Variants in GLIS1 observed in about 807,000 individuals in gnomAD.
GLIS1 encodes GLIS family zinc finger 1.
A neutral mutation model predicts 63.8 loss-of-function variants in GLIS1; 24 were observed. That is an observed-to-expected ratio of 0.38 (90% CI 0.27 to 0.53). GLIS1 has a LOEUF of 0.53. Among genes scored for constraint, GLIS1 ranks in the 20% least tolerant of loss-of-function variants. The pLI is 0.85. For missense variants in GLIS1, 1,036 were observed against 1,074.1 expected, an observed-to-expected ratio of 0.96 and a Z score of 0.50; for synonymous variants, 450 against 482.5, an observed-to-expected ratio of 0.93 and a Z score of 0.88.
chr1:53,623,736 C>T (rs986079162), intron 2 of GLIS1, among the ~76,000 whole-genome samples: 1 of 152,108 alleles, frequency 6.6e-6, no homozygotes, highest in African/African-American at 2.4e-5. Flanking sequence ...TTTTAATTCT[C>T]TATACTAGAG....
intron 5 of GLIS1, among the ~76,000 whole-genome samples, chr1:53,525,212 C>T (rs1235637121): frequency 6.6e-6 from 1 of 151,830 alleles, no homozygotes; most frequent in East Asian, 2.0e-4. Context: ...GCCAAGTCCA[C>T]CCTTTGGACC....
intron 2 of GLIS1, among the ~76,000 whole-genome samples, chr1:53,734,521 C>G (rs931773278): frequency 5.3e-5 from 8 of 152,200 alleles, no homozygotes; most frequent in Admixed American, 3.3e-4. Context: ...AAACTGCCAC[C>G]TACTGTCTGC....
At chr1:53,621,768 A>C (rs1396908659) in intron 2 of GLIS1, among the ~76,000 whole-genome samples, 1 of 152,170 alleles carries the variant, frequency 6.6e-6, no homozygotes, top group Non-Finnish European at 1.5e-5. Flanking sequence ...TTTGCTGTTC[A>C]GTTTATTTCA....
chr1:53,659,297 G>A (rs1008374301), intron 2 of GLIS1, among the ~76,000 whole-genome samples: 3 of 152,206 alleles, frequency 2.0e-5, no homozygotes, highest in Non-Finnish European at 4.4e-5. Flanking sequence ...AGAAGCTCAC[G>A]GGCACTCAGG....
At chr1:53,656,370 C>T (rs1023052228) in intron 2 of GLIS1, among the ~76,000 whole-genome samples, 2 of 152,182 alleles carry the variant, frequency 1.3e-5, no homozygotes, top group Non-Finnish European at 2.9e-5. Flanking sequence ...GCAGATCAGC[C>T]GGGGAGGCTG....
chr1:53,707,267 A>G (rs1646588926), intron 2 of GLIS1, among the ~76,000 whole-genome samples: 1 of 152,180 alleles, frequency 6.6e-6, no homozygotes. Flanking sequence ...ATTTAAGACC[A>G]TGAGGCTGTT....
intron 4 of GLIS1, among the ~76,000 whole-genome samples, chr1:53,582,429 T>C (rs1214400278): frequency 6.6e-6 from 1 of 152,152 alleles, no homozygotes; most frequent in Non-Finnish European, 1.5e-5. Flanking sequence ...GGGAAGGTGA[T>C]TTTGACACGT....
At chr1:53,593,439 G>GCA (rs1645212755) in intron 4 of GLIS1, among the ~76,000 whole-genome samples, 2 of 152,244 alleles carry the variant, frequency 1.3e-5, no homozygotes, top group African/African-American at 4.8e-5. Context: ...GCGTGTGTGT[G>GCA]CACGCGTGCA....
chr1:53,589,245 A>G (rs2100516762), intron 4 of GLIS1, among the ~76,000 whole-genome samples: 1 of 152,334 alleles, frequency 6.6e-6, no homozygotes, highest in South Asian at 2.1e-4. Context: ...AGCTGGGGCT[A>G]CAGGCATGTA....
intron 2 of GLIS1, among the ~76,000 whole-genome samples, chr1:53,710,557 G>GT (rs1463572821): frequency 6.6e-6 from 1 of 152,264 alleles, no homozygotes; most frequent in African/African-American, 2.4e-5. Flanking sequence ...CCAAGGTTCT[G>GT]TATCATTCTT....
At chr1:53,519,899 C>A (rs929275653) in intron 7 of GLIS1, among the ~76,000 whole-genome samples, 7 of 152,210 alleles carry the variant, frequency 4.6e-5, no homozygotes, top group Non-Finnish European at 8.8e-5. Context: ...TTCCTCCCTG[C>A]GGATGATCCT....
intron 2 of GLIS1, among the ~76,000 whole-genome samples, chr1:53,638,360 A>G (rs1304812980): frequency 2.0e-5 from 3 of 151,866 alleles, no homozygotes. Flanking sequence ...CAGGAAACCA[A>G]GCTGAGCAAA....
intron 2 of GLIS1, among the ~76,000 whole-genome samples, chr1:53,701,998 GA>G (rs919008620): frequency 0.042 from 2,372 of 56,318 alleles, 13 homozygotes; most frequent in Admixed American, 0.057. Context: ...ACCTAAAAAA[GA>G]AAAAAAAAAA....
chr1:53,576,660 G>C (rs563593435), intron 4 of GLIS1, among the ~76,000 whole-genome samples: 1 of 152,110 alleles, frequency 6.6e-6, no homozygotes, highest in Non-Finnish European at 1.5e-5. Context: ...GATCAGCTCC[G>C]CCTTCCTGGA....
At chr1:53,616,367 T>C (rs571968918) in intron 2 of GLIS1, among the ~76,000 whole-genome samples, 76 of 152,344 alleles carry the variant, frequency 5.0e-4, no homozygotes, top group African/African-American at 1.8e-3. Context: ...GCGTTTTCAG[T>C]ACATACAGGG....
intron 2 of GLIS1, among the ~76,000 whole-genome samples, chr1:53,677,672 G>A (rs927082696): frequency 2.6e-5 from 4 of 152,260 alleles, no homozygotes; most frequent in African/African-American, 7.2e-5. Flanking sequence ...GCCCCAGTCC[G>A]ATTGGACCCA....
chr1:53,520,761 A>C lies in GLIS1; in HGVS notation c.1599T>G (p.His533Gln). ...CGTCGGCCTCGGTGTCAGGGCCCGC[A>C]TGCAGCTGGGGAGCAAGCAGAGGGA... ...AKEQQVRKKLHAGPDTEADVL... is the reference protein window; with the variant it reads ...AKEQQVRKKLQAGPDTEADVL... Residue 533 changes from histidine to glutamine, a missense_variant, in exon 7 of 11, where the codon CAT (histidine) becomes CAG (glutamine). Around this residue, in one of 3 missense-constraint regions of GLIS1, gnomAD observed 400 missense variants for 400.9 expected, o/e 1.00. Coordinates refer to ENST00000628545, the MANE Select transcript of GLIS1 (RefSeq NM_001367484.1). 6.2e-7 allele frequency: 1 copy of C among 1,605,314 alleles called. No homozygotes were observed. The highest frequency in any genetic ancestry group is 8.5e-7 in the Non-Finnish European group (1 of 1,175,874).
intron 4 of GLIS1, among the ~76,000 whole-genome samples, chr1:53,593,355 C>T (rs1040468795): frequency 2.0e-5 from 3 of 152,228 alleles, no homozygotes; most frequent in Non-Finnish European, 2.9e-5. Flanking sequence ...TCCCCACAGA[C>T]GGGGCAGAAA....
chr1:53,704,254 T>A (rs1271258572), intron 2 of GLIS1, among the ~76,000 whole-genome samples: 1 of 152,244 alleles, frequency 6.6e-6, no homozygotes, highest in Non-Finnish European at 1.5e-5. Flanking sequence ...CGAATGGCAC[T>A]TTCCACCAGT....
Sources: allele counts gnomAD v4.1 joint callset (sites outside exome capture counted in the v4.1 genomes callset), GRCh38; gene constraint gnomAD v4.1.1; regional missense constraint gnomAD v4.1.1; transcripts MANE v1.5; gene names NCBI Gene and HGNC (gene_info 2026-07-23, HGNC 2026-07-21).